Variants in PPM1H observed in about 807,000 individuals in gnomAD.
The protein encoded by PPM1H is protein phosphatase, Mg2+/Mn2+ dependent 1H.
In PPM1H, 27 loss-of-function variants were observed where a neutral mutation model predicts 54.9. The observed-to-expected ratio is 0.49, with a 90% CI of 0.36 to 0.68. The LOEUF is 0.68. Among genes scored for constraint, PPM1H ranks in the 30% least tolerant of loss-of-function variants. The pLI is 0.00. For synonymous variants in PPM1H, 305 were observed against 270.8 expected (o/e 1.13, Z -1.24); for missense variants, 596 against 667.8 (o/e 0.89, Z 1.19).
intron 2 of PPM1H, among the ~76,000 whole-genome samples, chr12:62,804,231 G>C (rs2076790412): frequency 6.6e-6 from 1 of 152,078 alleles, no homozygotes; most frequent in Non-Finnish European, 1.5e-5. Context: ...GCTCACGCCT[G>C]TAATCCCAGC....
chr12:62,807,089 T>G (rs937871881), intron 2 of PPM1H, among the ~76,000 whole-genome samples: 5 of 152,086 alleles, frequency 3.3e-5, no homozygotes, highest in Non-Finnish European at 7.4e-5. Context: ...AATGGGGGCA[T>G]GATGCACGAG....
chr12:62,776,470 G>GT (rs531756654), intron 4 of PPM1H, among the ~76,000 whole-genome samples: 155 of 152,308 alleles, frequency 1.0e-3, no homozygotes, highest in African/African-American at 3.6e-3. Context: ...TGAAGGCAGG[G>GT]TTTTTTTGAT....
chr12:62,745,195 TA>T (rs1355905140), intron 4 of PPM1H, among the ~76,000 whole-genome samples: 1 of 152,056 alleles, frequency 6.6e-6, no homozygotes, highest in African/African-American at 2.4e-5. Context: ...TTTTTCTTTT[TA>T]AAAAATTTTA....
chr12:62,747,675 A>C (rs1296388502), intron 4 of PPM1H, among the ~76,000 whole-genome samples: 1 of 152,220 alleles, frequency 6.6e-6, no homozygotes, highest in African/African-American at 2.4e-5. Context: ...TCCAGAGCAC[A>C]CTTCAGCCCT....
chr12:62,652,562 C>T (rs538238914), intron 9 of PPM1H, among the ~76,000 whole-genome samples: 4 of 152,120 alleles, frequency 2.6e-5, no homozygotes, highest in African/African-American at 7.2e-5. Context: ...TTATTATGTG[C>T]TTCTTTCCTT....
intron 4 of PPM1H, among the ~76,000 whole-genome samples, chr12:62,748,846 GTTAA>G (rs2076426602): frequency 6.6e-6 from 1 of 152,184 alleles, no homozygotes; most frequent in Admixed American, 6.5e-5. Context: ...ACAGTGGGCT[GTTAA>G]TTGTCTTTAA....
At chr12:62,831,792 C>T (rs562288629) in intron 2 of PPM1H, among the ~76,000 whole-genome samples, 2,314 of 131,256 alleles carry the variant, frequency 0.018, 34 homozygotes, top group African/African-American at 0.045. Context: ...TATACGTATA[C>T]ACACACACAC....
intron 4 of PPM1H, among the ~76,000 whole-genome samples, chr12:62,779,622 A>C (rs1487769307): frequency 6.6e-6 from 1 of 152,196 alleles, no homozygotes; most frequent in East Asian, 1.9e-4. Context: ...CATTATCTCC[A>C]TTTACAGTTG....
rs184406575 is a variant in PPM1H at position 62,842,648 on chromosome 12, A to G, written c.246-10369T>C. Among the ~76,000 whole-genome samples the G allele has an allele frequency of 2.0e-5, 3 of 152,356 alleles. No homozygotes were observed. In the East Asian group the frequency reaches 5.8e-4, roughly 29 times the overall value. ...AAAGTAACACAAGAGGAATAAAGTT[A>G]TACAGAAGGGGACTGTTATGTAGTA... On this transcript the variant is annotated intron_variant, in intron 1 of 9. Coordinates refer to ENST00000228705, the MANE Select transcript of PPM1H (RefSeq NM_020700.2).
At chr12:62,676,495 A>G (rs2075987139) in intron 8 of PPM1H, among the ~76,000 whole-genome samples, 2 of 152,130 alleles carry the variant, frequency 1.3e-5, no homozygotes, top group African/African-American at 2.4e-5. Context: ...AGGCATCCCT[A>G]TGCTCTTGGG....
At chr12:62,688,054 A>G (rs2076063688) in intron 8 of PPM1H, among the ~76,000 whole-genome samples, 1 of 151,766 alleles carries the variant, frequency 6.6e-6, no homozygotes, top group Non-Finnish European at 1.5e-5. Flanking sequence ...TACACATTGT[A>G]GTAAATGCTA....
chr12:62,735,510 G>A (rs777974860), intron 5 of PPM1H, among the ~76,000 whole-genome samples: 8 of 152,118 alleles, frequency 5.3e-5, no homozygotes, highest in Non-Finnish European at 7.4e-5. Context: ...GAGCCACCGT[G>A]CCCAGCCTGT....
At chr12:62,722,088 G>A (rs893545917) in intron 5 of PPM1H, among the ~76,000 whole-genome samples, 3 of 151,988 alleles carry the variant, frequency 2.0e-5, no homozygotes, top group Non-Finnish European at 4.4e-5. Flanking sequence ...CTCCGCGACC[G>A]CACAAGTCAC....
chr12:62,845,300 G>C (rs576410457), intron 1 of PPM1H, among the ~76,000 whole-genome samples: 5 of 152,338 alleles, frequency 3.3e-5, no homozygotes, highest in Non-Finnish European at 5.9e-5. Flanking sequence ...ACCTCCCAGG[G>C]ATACTCTGAG....
chr12:62,921,653 T>C (rs1871804004), intron 1 of PPM1H, among the ~76,000 whole-genome samples: 1 of 152,224 alleles, frequency 6.6e-6, no homozygotes, highest in Non-Finnish European at 1.5e-5. Context: ...AGTGTGGTGG[T>C]GCCCACTCAC....
At chr12:62,859,256 GGGGAAATAGTGTGTAAAAAGC>G (rs1350962032) in intron 1 of PPM1H, among the ~76,000 whole-genome samples, 6 of 151,574 alleles carry the variant, frequency 4.0e-5, no homozygotes, top group African/African-American at 1.5e-4. Flanking sequence ...AAAAAACAAG[GGGGAAATAGTGTGTAAAAAGC>G]AAGGTCAGAT....
In PPM1H at chr12:62,754,510, T is replaced by C. The variant is rs11174633; in HGVS notation, c.870-16924A>G. ...TGAGCCCAGGAGGTAGAGGTTGCAG[T>C]GAGCCAAGATCAAGCCACCACTGTA... On this transcript the variant is annotated intron_variant, in intron 4 of 9. Transcript: ENST00000228705. Among the ~76,000 whole-genome samples the C allele has an allele frequency of 4.8e-3, 735 of 152,226 alleles. 6 individuals carry two copies. Among genetic ancestry groups the C allele is most frequent in the African/African-American group, 0.017 (705 of 41,528 alleles).
rs538463628 is a variant in PPM1H at position 62,771,115 on chromosome 12, TG to T, written c.869+17110del. The stretch of plus-strand genomic sequence containing the variant: ...CTGTGTTTTTCGAATGCCTGAGAGC[TG>T]GGAGGCTTTTTAAAGGCTTTGTTGA... On this transcript the variant is annotated intron_variant, in intron 4 of 9. Coordinates refer to ENST00000228705, the MANE Select transcript of PPM1H (RefSeq NM_020700.2). Among the ~76,000 whole-genome samples the T allele has an allele frequency of 4.8e-3, 669 of 139,788 alleles. 5 individuals are homozygous for T. The highest frequency in any genetic ancestry group is 0.017 in the African/African-American group (638 of 36,854). The allele number at this position is 139,788 out of a possible 152,430, so 91.7% of individuals were successfully genotyped here.
At chr12:62,737,217 TAA>T (rs111659461) in intron 5 of PPM1H, among the ~76,000 whole-genome samples, 75 of 134,302 alleles carry the variant, frequency 5.6e-4, no homozygotes, top group African/African-American at 2.0e-3. Context: ...AAGAAGCCAT[TAA>T]AAAAAAAAAA....
Sources: allele counts gnomAD v4.1 joint callset (sites outside exome capture counted in the v4.1 genomes callset), GRCh38; gene constraint gnomAD v4.1.1; transcripts MANE v1.5; gene names NCBI Gene and HGNC (gene_info 2026-07-23, HGNC 2026-07-21).